Variants in SPATA6L observed in about 807,000 individuals in gnomAD.
SPATA6L encodes spermatogenesis associated 6 like.
SPATA6L carries 68 observed loss-of-function variants against 49.2 expected under a neutral mutation model. The ratio of observed to expected loss-of-function variants is 1.38; its 90% confidence interval spans 1.14 to 1.69. The LOEUF (loss-of-function observed/expected upper bound fraction) is 1.69, where lower values mean the gene tolerates loss of function less well. Ranked by LOEUF, SPATA6L falls within the 40% of genes most tolerant of loss-of-function variation. The pLI is 0.00. For synonymous variants in SPATA6L, 198 were observed against 165.7 expected (o/e 1.19, Z -1.50); for missense variants, 668 against 464.3 (o/e 1.44, Z -4.03).
At chr9:4,629,051 A>T (rs1395002356) in intron 5 of SPATA6L, 40 bp downstream of exon 5, 1 of 1,434,120 alleles carries the variant, frequency 7.0e-7, no homozygotes, top group East Asian at 2.3e-5. Flanking sequence ...GAAAAAAAAA[A>T]ATCCGGTCAT....
Position 4,635,737 on chromosome 9 carries a change from C to A in SPATA6L, c.227-338G>T, listed in dbSNP as rs144255948. Among the ~76,000 whole-genome samples the A allele has an allele frequency of 6.0e-3, 909 of 152,268 alleles. 2 individuals carry two copies. The highest frequency in any genetic ancestry group is 9.7e-3 in the Non-Finnish European group (658 of 68,024). On this transcript the variant is annotated intron_variant, in intron 3 of 11. Coordinates refer to ENST00000682582, the MANE Select transcript of SPATA6L (RefSeq NM_001353486.2). ...CTTAACCCAGGCACTGAGGATAGAA[C>A]AGGAACAAGGTGGACATAGCATTGT...
chr9:4,660,393 AAAG>A, intron 2 of SPATA6L, among the ~76,000 whole-genome samples: 1 of 152,384 alleles, frequency 6.6e-6, no homozygotes, highest in South Asian at 2.1e-4. Flanking sequence ...ACACTTCTCA[AAAG>A]AAGACATTTA....
At chr9:4,596,561 G>C (rs762363251), downstream of SPATA6L, 15 of 152,166 alleles carry the variant, frequency 9.9e-5, no homozygotes, top group African/African-American at 3.4e-4. Context: ...AAGTTTATTT[G>C]GGGGTGGTGG....
chr9:4,595,529 C>T (rs975423926), downstream of SPATA6L, among the ~76,000 whole-genome samples: 3 of 152,150 alleles, frequency 2.0e-5, no homozygotes, highest in African/African-American at 7.2e-5. Context: ...AAATACTCGC[C>T]TGAATATTTA....
chr9:4,604,166 C>T lies in SPATA6L; in HGVS notation c.*1+13G>A, dbSNP rs1375416611. 6.3e-7 allele frequency: 1 copy of T among 1,583,658 alleles called. No individual in the cohort carries two copies. The highest frequency in any genetic ancestry group is 1.7e-5 in the Admixed American group (1 of 57,694). On this transcript the variant is annotated intron_variant, in intron 11 of 11. Coordinates refer to ENST00000682582, the MANE Select transcript of SPATA6L (RefSeq NM_001353486.2). The stretch of plus-strand genomic sequence containing the variant: ...GAGAAGCACTTAAGCTGCTTACTTA[C>T]ATAAGACAGTACCTTAAAAATATCT...
At chr9:4,626,316 G>T in intron 5 of SPATA6L, 1 of 1,188,500 alleles carries the variant, frequency 8.4e-7, no homozygotes, top group Non-Finnish European at 1.1e-6. Context: ...AGAGCCCCCT[G>T]TTCAGATTTG....
chr9:4,601,618 T>A (rs1823303540), intron 11 of SPATA6L, among the ~76,000 whole-genome samples: 1 of 152,138 alleles, frequency 6.6e-6, no homozygotes, highest in Non-Finnish European at 1.5e-5. Context: ...TACTTTTTCA[T>A]CTCCCTGAGA....
At chr9:4,619,265 C>G (rs2130370876) in intron 7 of SPATA6L, among the ~76,000 whole-genome samples, 2 of 148,508 alleles carry the variant, frequency 1.3e-5, no homozygotes, top group Middle Eastern at 3.5e-3. Flanking sequence ...TCAAGAGATT[C>G]TCTGCCTCAG....
intron 3 of SPATA6L, chr9:4,646,261 T>G (rs1587392639): frequency 2.8e-6 from 1 of 352,158 alleles, no homozygotes; most frequent in East Asian, 4.4e-5. Context: ...AGGAGTCTGT[T>G]TAAGTTATGC....
chr9:4,642,929 T>G (rs563390801), intron 3 of SPATA6L, among the ~76,000 whole-genome samples: 34 of 152,190 alleles, frequency 2.2e-4, no homozygotes, highest in South Asian at 1.0e-3. Context: ...AAATGAAAAT[T>G]TTTAAGAAGT....
intron 7 of SPATA6L, among the ~76,000 whole-genome samples, chr9:4,621,746 C>A (rs1829353322): frequency 6.6e-6 from 1 of 152,198 alleles, no homozygotes; most frequent in Non-Finnish European, 1.5e-5. Context: ...CCTCGGCCTC[C>A]CGAAGTGCTG....
At chr9:4,610,697 G>A (rs1223840772) in intron 9 of SPATA6L, among the ~76,000 whole-genome samples, 2 of 152,066 alleles carry the variant, frequency 1.3e-5, no homozygotes, top group Non-Finnish European at 2.9e-5. Flanking sequence ...AAAAACCCTA[G>A]AAGAAAACCT....
At chr9:4,614,503 G>T (rs1376087026) in intron 9 of SPATA6L, among the ~76,000 whole-genome samples, 1 of 152,180 alleles carries the variant, frequency 6.6e-6, no homozygotes, top group Non-Finnish European at 1.5e-5. Context: ...AACCCCCAGT[G>T]TCCCAGGAAT....
chr9:4,635,314 C>A lies in SPATA6L; in HGVS notation c.312G>T (p.Arg104Ser). Residue 104 changes from arginine to serine, a missense_variant, in exon 4 of 12, where the codon AGG (arginine) becomes AGT (serine). Physicochemically the swap from Arg to Ser is moderately radical, Grantham distance 110 (BLOSUM62 -1). Transcript: ENST00000682582. ...CCGTCTTCATGAGCACCTCCCTACA[C>A]CTCCTAGGGTGCGAAGGTGTCAGCT... ...EPKLTPSHPR[R>S]CREVLMKTAL... 6.3e-7 allele frequency: 1 copy of A among 1,584,352 alleles called. No individual in the cohort carries two copies. Among genetic ancestry groups the A allele is most frequent in the Non-Finnish European group, 8.5e-7 (1 of 1,169,808 alleles).
intron 1 of SPATA6L, chr9:4,663,237 C>T: frequency 1.2e-6 from 2 of 1,613,882 alleles, no homozygotes; most frequent in Non-Finnish European, 1.7e-6. Context: ...TGCTCCGGTC[C>T]TCTTTTTACT....
chr9:4,609,489 A>T (rs2130219282), intron 9 of SPATA6L, among the ~76,000 whole-genome samples: 1 of 152,358 alleles, frequency 6.6e-6, no homozygotes, highest in East Asian at 1.9e-4. Context: ...GGCTAGTTCA[A>T]TATACGCAAA....
At chr9:4,628,571 C>G (rs1830791987) in intron 5 of SPATA6L, 1 of 153,596 alleles carries the variant, frequency 6.5e-6, no homozygotes. Flanking sequence ...CTCAGCCTCC[C>G]CCGTAGCTGG....
intron 10 of SPATA6L, 129 bp from the exon 11 acceptor site, chr9:4,604,398 A>C (rs1398437863): frequency 3.7e-6 from 2 of 543,866 alleles, no homozygotes. Flanking sequence ...GGTTCACTAT[A>C]TATGTGTGTA....
chr9:4,638,285 C>T (rs1405727817), intron 3 of SPATA6L, among the ~76,000 whole-genome samples: 3 of 152,098 alleles, frequency 2.0e-5, no homozygotes, highest in Admixed American at 2.0e-4. Flanking sequence ...AGTTTTGGCT[C>T]ACTGCTACCT....
Sources: allele counts gnomAD v4.1 joint callset (sites outside exome capture counted in the v4.1 genomes callset), GRCh38; gene constraint gnomAD v4.1.1; transcripts MANE v1.5; gene names NCBI Gene and HGNC (gene_info 2026-07-23, HGNC 2026-07-21).